Variants in ITPR1 observed in about 807,000 individuals in gnomAD.
ITPR1 encodes the protein inositol 1,4,5-trisphosphate receptor type 1, also known as inositol 1,4,5-trisphosphate-gated calcium channel ITPR1.
A neutral mutation model predicts 318.4 loss-of-function variants in ITPR1; 96 were observed. The ratio of observed to expected loss-of-function variants is 0.30; its 90% CI spans 0.26 to 0.36. ITPR1 has a LOEUF of 0.36. Ranked by LOEUF, ITPR1 falls within the 10% of genes least tolerant of loss-of-function variation. The probability of loss-of-function intolerance (pLI) is 1.00; values close to 1 mark genes in which losing one functional copy is unlikely to be tolerated. For missense variants in ITPR1, 2,440 were observed against 3,460.2 expected, an observed-to-expected ratio of 0.71 and a Z score of 7.40; for synonymous variants, 1,312 against 1,289.9, an observed-to-expected ratio of 1.02 and a Z score of -0.37.
chr3:4,505,011 C>T (rs1266875349), intron 2 of ITPR1, among the ~76,000 whole-genome samples: 2 of 151,894 alleles, frequency 1.3e-5, no homozygotes, highest in African/African-American at 4.8e-5. Context: ...CAGGCTCGGC[C>T]CATCGTTAAC....
intron 46 of ITPR1, among the ~76,000 whole-genome samples, chr3:4,770,561 G>T (rs903639077): frequency 6.6e-6 from 1 of 152,162 alleles, no homozygotes; most frequent in Admixed American, 6.5e-5. Flanking sequence ...GCTAGTGGGG[G>T]CCCCTCCAGA....
At chr3:4,584,487 GGAGGA>G (rs1388821863) in intron 4 of ITPR1, among the ~76,000 whole-genome samples, 5 of 152,002 alleles carry the variant, frequency 3.3e-5, no homozygotes, top group South Asian at 2.1e-4. Context: ...GGGGAAGCGG[GGAGGA>G]GAGGAGAGGA....
intron 4 of ITPR1, among the ~76,000 whole-genome samples, chr3:4,600,777 A>G (rs1310953494): frequency 6.6e-6 from 1 of 152,030 alleles, no homozygotes; most frequent in Non-Finnish European, 1.5e-5. Context: ...TCTAAAATTG[A>G]TTCACTCCCC....
In ITPR1 at chr3:4,673,375, T is replaced by A. The variant is rs2094124351; in HGVS notation, c.2444T>A (p.Ile815Asn). The A allele has an allele frequency of 6.2e-6, 10 of 1,607,872 alleles. No individual in the cohort carries two copies. The highest frequency in any genetic ancestry group is 8.5e-6 in the Non-Finnish European group (10 of 1,175,184). The stretch of plus-strand genomic sequence containing the variant: ...CTCTGGTCGGAGATTCCCTCGGAGA[T>A]CGCCATTGACGAGTGAGCCTGGCAC... Reference protein sequence around the residue: ...ARLWSEIPSEIAIDDYDSSGA... With the variant: ...ARLWSEIPSENAIDDYDSSGA... Residue 815 changes from isoleucine (I) to asparagine (N), a missense_variant, in exon 21 of 62, where the codon ATC becomes AAC. Ile to Asn is a moderately radical substitution (Grantham distance 149). Coordinates refer to ENST00000649015, the MANE Select transcript of ITPR1 (RefSeq NM_001378452.1).
rs1164941705 is a variant in ITPR1 at position 4,609,002 on chromosome 3, A to T, written c.164-18761A>T. On this transcript the variant is annotated intron_variant, in intron 4 of 61. Transcript: ENST00000649015. ...GATAACAGAGTGAGACTCCGTCTTTAAAAAAAAAAAAAAAAAAAAAAAACA... is the reference window on the plus strand; with the variant it reads ...GATAACAGAGTGAGACTCCGTCTTTTAAAAAAAAAAAAAAAAAAAAAAACA... Among the ~76,000 whole-genome samples the T allele has an allele frequency of 2.6e-4, 13 of 49,952 alleles. No homozygotes were observed. The African/African-American group carries it at 5.1e-3, about 20-fold the overall frequency. The allele number at this position is 49,952 out of a possible 152,430, so 32.8% of individuals were successfully genotyped here.
intron 40 of ITPR1, among the ~76,000 whole-genome samples, chr3:4,721,296 C>G (rs1404899025): frequency 2.0e-5 from 3 of 151,298 alleles, no homozygotes; most frequent in African/African-American, 7.3e-5. Context: ...CTATTGGGTT[C>G]TGATGAGCTT....
chr3:4,564,832 C>T (rs988021996), intron 4 of ITPR1, among the ~76,000 whole-genome samples: 13 of 152,134 alleles, frequency 8.5e-5, no homozygotes, highest in South Asian at 4.1e-4. Context: ...AGGGTTAGGA[C>T]TTCAACACAG....
intron 4 of ITPR1, among the ~76,000 whole-genome samples, chr3:4,558,716 G>A (rs1407842689): frequency 6.6e-6 from 1 of 152,182 alleles, no homozygotes; most frequent in Non-Finnish European, 1.5e-5. Flanking sequence ...TTTGGGAAAA[G>A]GAGCTCCTGG....
rs768372353 is a variant in ITPR1, at chr3:4,669,745, A to C, written c.1978A>C (p.Thr660Pro). ...ELICKAVLNPTNADILIETKL... is the reference protein window; with the variant it reads ...ELICKAVLNPPNADILIETKL... ...GATATGTAAAGCTGTGCTGAACCCC[A>C]CCAACGCTGACATCCTGATTGAGAC... is the stretch of plus-strand genomic sequence containing the variant. Residue 660 changes from threonine to proline, a missense_variant, in exon 19 of 62, where the codon ACC becomes CCC. Physicochemically the swap from Thr to Pro is conservative, Grantham distance 38. Transcript: ENST00000649015. 6.2e-7 allele frequency: 1 copy of C among 1,612,636 alleles called. No homozygotes were observed. Among genetic ancestry groups the C allele is most frequent in the Non-Finnish European group, 8.5e-7 (1 of 1,179,112 alleles).
intron 57 of ITPR1, 75 bp from the exon 58 acceptor site, chr3:4,814,348 G>A: frequency 4.0e-6 from 6 of 1,483,484 alleles, no homozygotes; most frequent in Admixed American, 1.7e-5. Flanking sequence ...TGGCATTCAG[G>A]AAACAGGATT....
intron 4 of ITPR1, among the ~76,000 whole-genome samples, chr3:4,625,615 G>A (rs1040752787): frequency 6.6e-6 from 1 of 152,098 alleles, no homozygotes; most frequent in Non-Finnish European, 1.5e-5. Context: ...GGAGTGCAGT[G>A]GTGTGATCTC....
At chr3:4,612,176 C>T (rs1279628983) in intron 4 of ITPR1, among the ~76,000 whole-genome samples, 1 of 151,326 alleles carries the variant, frequency 6.6e-6, no homozygotes, top group Non-Finnish European at 1.5e-5. Context: ...ATTCTCCTGC[C>T]TCAGCCTCCC....
intron 4 of ITPR1, among the ~76,000 whole-genome samples, chr3:4,585,757 A>T (rs2089827855): frequency 6.6e-6 from 1 of 150,860 alleles, no homozygotes; most frequent in Admixed American, 6.6e-5. Flanking sequence ...TTTTTTTTTT[A>T]ACTGTGTAAT....
At chr3:4,793,318 T>C (rs1327947571) in intron 52 of ITPR1, among the ~76,000 whole-genome samples, 1 of 152,250 alleles carries the variant, frequency 6.6e-6, no homozygotes, top group African/African-American at 2.4e-5. Flanking sequence ...AAACGAATGC[T>C]GGCTTACACA....
chr3:4,513,732 A>C (rs372547300), intron 2 of ITPR1, among the ~76,000 whole-genome samples: 2 of 152,190 alleles, frequency 1.3e-5, no homozygotes, highest in Admixed American at 1.3e-4. Context: ...GTATAAGAAC[A>C]TTTAACATTT....
At chr3:4,637,773 A>G (rs533181755) in intron 5 of ITPR1, among the ~76,000 whole-genome samples, 2 of 152,320 alleles carry the variant, frequency 1.3e-5, no homozygotes, top group Non-Finnish European at 2.9e-5. Flanking sequence ...TTCTCAAAAG[A>G]TGTGCTTTCC....
chr3:4,688,397 C>T (rs2094430950), intron 30 of ITPR1, 98 bp from the exon 31 acceptor site: 20 of 1,465,732 alleles, frequency 1.4e-5, no homozygotes, highest in Non-Finnish European at 1.8e-5. Context: ...CCCCAGCAAA[C>T]ACCTTCTGAC....
In ITPR1 at chr3:4,789,560, T is replaced by C. The variant is rs2047419924; in HGVS notation, c.6808+1421T>C. Reference sequence around the variant, plus strand: ...GTTGCTTTTGTCCTTCACTGGGATATTCCATCATTCCAGCTTTAGGGAATA... The same window carrying C: ...GTTGCTTTTGTCCTTCACTGGGATACTCCATCATTCCAGCTTTAGGGAATA... On this transcript the variant is annotated intron_variant, in intron 52 of 61. Coordinates refer to ENST00000649015, the MANE Select transcript of ITPR1 (RefSeq NM_001378452.1). Among the ~76,000 whole-genome samples the C allele has an allele frequency of 1.3e-5, 2 of 152,206 alleles. 1 individual carries two copies. The highest frequency in any genetic ancestry group is 4.1e-4 in the South Asian group (2 of 4,836).
At chr3:4,546,446 G>C (rs2085007969) in intron 4 of ITPR1, among the ~76,000 whole-genome samples, 2 of 152,178 alleles carry the variant, frequency 1.3e-5, no homozygotes, top group Admixed American at 6.5e-5. Context: ...ATTCTAGCCA[G>C]AGGTAGAGCC....
Sources: allele counts gnomAD v4.1 joint callset (sites outside exome capture counted in the v4.1 genomes callset), GRCh38; gene constraint gnomAD v4.1.1; transcripts MANE v1.5; gene names NCBI Gene and HGNC (gene_info 2026-07-23, HGNC 2026-07-21).